CSMD3: variants seen among roughly 807,000 people sequenced by gnomAD.
The protein encoded by CSMD3 is CUB and Sushi multiple domains 3, also known as CUB and sushi domain-containing protein 3.
In CSMD3, 177 loss-of-function variants were observed where a neutral mutation model predicts 435.2. The observed-to-expected ratio is 0.41, with a 90% CI of 0.36 to 0.46. CSMD3 has a LOEUF of 0.46. CSMD3 is among the 20% of genes least tolerant of loss of function. The pLI, the probability that CSMD3 is intolerant of heterozygous loss-of-function variation, is 0.34. For synonymous variants in CSMD3, 1,656 were observed against 1,520.5 expected (o/e 1.09, Z -2.07); for missense variants, 4,265 against 4,504.6 (o/e 0.95, Z 1.52).
chr8:112,560,238 C>G (rs1051057111), intron 24 of CSMD3, among the ~76,000 whole-genome samples: 11 of 151,734 alleles, frequency 7.2e-5, no homozygotes, highest in Admixed American at 6.6e-4. Context: ...CTTTCCTAGT[C>G]TCTATTAAGG....
At chr8:113,404,663 T>C (rs1438105829) in intron 1 of CSMD3, among the ~76,000 whole-genome samples, 1 of 151,422 alleles carries the variant, frequency 6.6e-6, no homozygotes, top group Non-Finnish European at 1.5e-5. Context: ...TCTACACACC[T>C]GCTCCTACAA....
intron 27 of CSMD3, among the ~76,000 whole-genome samples, chr8:112,535,685 T>C (rs1261113256): frequency 2.0e-5 from 3 of 152,076 alleles, no homozygotes; most frequent in Non-Finnish European, 4.4e-5. Flanking sequence ...AAAGTTCATA[T>C]GGAACCAAAA....
intron 3 of CSMD3, among the ~76,000 whole-genome samples, chr8:113,197,534 TA>T (rs1214281936): frequency 6.6e-6 from 1 of 151,250 alleles, no homozygotes; most frequent in Non-Finnish European, 1.5e-5. Flanking sequence ...CTTATATGTA[TA>T]TATTATTATT....
intron 32 of CSMD3, among the ~76,000 whole-genome samples, chr8:112,459,653 G>A (rs559722342): frequency 2.0e-5 from 3 of 152,216 alleles, no homozygotes; most frequent in Non-Finnish European, 4.4e-5. Context: ...AAGCATTTCT[G>A]TTTCATTGGG....
At chr8:112,386,508 T>G (rs1829963150) in intron 36 of CSMD3, among the ~76,000 whole-genome samples, 1 of 152,090 alleles carries the variant, frequency 6.6e-6, no homozygotes, top group Non-Finnish European at 1.5e-5. Flanking sequence ...GATTTTTTTT[T>G]TCTTTTTTAG....
rs574587138 is a variant in CSMD3, at chr8:112,855,825, T to C, written c.1755+3320A>G. On this transcript the variant is annotated intron_variant, in intron 11 of 70. Transcript: ENST00000297405. Reference sequence around the variant, plus strand: ...TTAGCGAAGCTTTTTTTTTTTTTTTTCTTTGTCTCAAGATCTGTCCCTGAG... The same window carrying C: ...TTAGCGAAGCTTTTTTTTTTTTTTTCCTTTGTCTCAAGATCTGTCCCTGAG... 2.0e-5 allele frequency among the ~76,000 whole-genome samples: 3 copies of C among 150,914 alleles called. 1 individual carries two copies. The highest frequency in any genetic ancestry group is 4.2e-4 in the South Asian group (2 of 4,790).
chr8:112,885,759 G>A (rs769474768), intron 10 of CSMD3, among the ~76,000 whole-genome samples: 3 of 151,708 alleles, frequency 2.0e-5, no homozygotes, highest in Non-Finnish European at 4.4e-5. Flanking sequence ...TCAAGAAAGA[G>A]ATTGGCATTC....
At chr8:113,307,801 C>G (rs1286195602) in intron 2 of CSMD3, among the ~76,000 whole-genome samples, 11 of 151,976 alleles carry the variant, frequency 7.2e-5, no homozygotes, top group Admixed American at 7.2e-4. Flanking sequence ...AAAATAATAC[C>G]ACAATAAATG....
Position 112,503,792 on chromosome 8 carries a change from T to C in CSMD3, c.5081A>G (p.Lys1694Arg), listed in dbSNP as rs2130914289. ...TAACATGGAATGTTCATATTTACCT[T>C]TGTATTCTAGATGAAATCCAGTGTA... is the stretch of plus-strand genomic sequence containing the variant. The part of the protein sequence containing the change: ...VSYTGFHLEY[K>R]AKLRESCFDP... The change falls in exon 30 of 71, where the codon AAA becomes AGA. Residue 1694 changes from lysine to arginine, a missense_variant and splice_region_variant. This residue lies in a region of CSMD3 where 3,255 missense variants were observed against 3,380.2 expected (regional missense o/e 0.96). Coordinates refer to ENST00000297405, the MANE Select transcript of CSMD3 (RefSeq NM_198123.2). 1 of 1,602,902 alleles carries C rather than the reference T, an allele frequency of 6.2e-7. No individual in the cohort carries two copies. Among genetic ancestry groups the C allele is most frequent in the Non-Finnish European group, 8.5e-7 (1 of 1,170,544 alleles).
At chr8:112,524,880 C>A (rs1253822876) in intron 27 of CSMD3, among the ~76,000 whole-genome samples, 4 of 151,950 alleles carry the variant, frequency 2.6e-5, no homozygotes, top group Non-Finnish European at 5.9e-5. Flanking sequence ...TTCTGTTACA[C>A]ATGTTCATTC....
intron 10 of CSMD3, among the ~76,000 whole-genome samples, chr8:112,876,748 T>A (rs1262391545): frequency 6.6e-6 from 1 of 152,264 alleles, no homozygotes; most frequent in East Asian, 1.9e-4. Flanking sequence ...GTATTGGAAG[T>A]TCTGGCCAGG....
intron 12 of CSMD3, among the ~76,000 whole-genome samples, chr8:112,821,158 G>A (rs1307133554): frequency 1.3e-5 from 2 of 152,116 alleles, no homozygotes; most frequent in Non-Finnish European, 2.9e-5. Context: ...ATTCCTTTGG[G>A]CATATACCCA....
intron 4 of CSMD3, among the ~76,000 whole-genome samples, chr8:113,125,724 A>G (rs1303707803): frequency 2.6e-5 from 4 of 152,018 alleles, no homozygotes; most frequent in Admixed American, 6.6e-5. Flanking sequence ...ACAAAGACTG[A>G]GCATTGGATA....
intron 1 of CSMD3, among the ~76,000 whole-genome samples, chr8:113,368,030 T>C (rs1373147815): frequency 6.6e-6 from 1 of 152,124 alleles, no homozygotes; most frequent in Non-Finnish European, 1.5e-5. Flanking sequence ...GCATCATTAT[T>C]TGGTACATAA....
chr8:113,046,588 A>G (rs1198084007), intron 5 of CSMD3, among the ~76,000 whole-genome samples: 1 of 152,130 alleles, frequency 6.6e-6, no homozygotes, highest in African/African-American at 2.4e-5. Context: ...CCTCTCCTGG[A>G]CGATTCTTCT....
chr8:112,973,241 T>C (rs1310675886), intron 7 of CSMD3, among the ~76,000 whole-genome samples: 2 of 151,938 alleles, frequency 1.3e-5, no homozygotes, highest in African/African-American at 4.8e-5. Context: ...TTTAACTATA[T>C]TGTGGATAAT....
chr8:113,377,014 G>A, intron 1 of CSMD3: 1 of 1,305,574 alleles, frequency 7.7e-7, no homozygotes, highest in Non-Finnish European at 1.0e-6. Context: ...CATCTTCTAG[G>A]GAGTGGGGTG....
chr8:112,994,942 A>C (rs1409214361), intron 6 of CSMD3, among the ~76,000 whole-genome samples: 3 of 151,566 alleles, frequency 2.0e-5, no homozygotes, highest in African/African-American at 7.2e-5. Flanking sequence ...AAGAGTTTGG[A>C]ATTACATGAA....
intron 5 of CSMD3, among the ~76,000 whole-genome samples, chr8:113,051,296 G>C (rs117111756): frequency 6.6e-6 from 1 of 151,998 alleles, no homozygotes; most frequent in South Asian, 2.1e-4. Flanking sequence ...ATAAATGATT[G>C]TCCATTATAA....
Sources: allele counts gnomAD v4.1 joint callset (sites outside exome capture counted in the v4.1 genomes callset), GRCh38; gene constraint gnomAD v4.1.1; regional missense constraint gnomAD v4.1.1; transcripts MANE v1.5; gene names NCBI Gene and HGNC (gene_info 2026-07-23, HGNC 2026-07-21).